LAMA3: variants seen among roughly 807,000 people sequenced by gnomAD.
LAMA3 encodes laminin subunit alpha-3.
A neutral mutation model predicts 402.0 loss-of-function variants in LAMA3; 281 were observed. The ratio of observed to expected loss-of-function variants is 0.70; its 90% CI spans 0.63 to 0.77. The LOEUF is 0.77. LAMA3 is among the 30% of genes least tolerant of loss of function. The pLI is 0.00. For synonymous variants in LAMA3, 1,431 were observed against 1,558.4 expected (o/e 0.92, Z 1.93); for missense variants, 3,840 against 4,215.5 (o/e 0.91, Z 2.47).
intron 19 of LAMA3, among the ~76,000 whole-genome samples, chr18:23,821,959 C>G (rs1460759922): frequency 6.6e-6 from 1 of 152,208 alleles, no homozygotes; most frequent in Non-Finnish European, 1.5e-5. Flanking sequence ...CCATCTAATA[C>G]TCCACTCTGT....
In LAMA3 at chr18:23,871,678, T is replaced by G. The variant is rs985322945; in HGVS notation, c.4998+17T>G. 6.4e-7 allele frequency: 1 copy of G among 1,572,836 alleles called. No homozygotes were observed. Among genetic ancestry groups the G allele is most frequent in the Admixed American group, 1.9e-5 (1 of 53,424 alleles). ...TCTTGTCAGGTAGGAAGTTTTCCCA[T>G]CCGCAACATTTCCCTAGGGAGCTCC... On this transcript the variant is annotated intron_variant, in intron 38 of 74. Coordinates refer to ENST00000313654, the MANE Select transcript of LAMA3 (RefSeq NM_198129.4).
intron 2 of LAMA3, among the ~76,000 whole-genome samples, chr18:23,722,183 T>G (rs924079833): frequency 6.6e-6 from 1 of 152,190 alleles, no homozygotes; most frequent in Non-Finnish European, 1.5e-5. Context: ...TGGGCCTTAT[T>G]TTGGTGCTAT....
At chr18:23,768,529 T>C (rs2062127995) in intron 8 of LAMA3, among the ~76,000 whole-genome samples, 1 of 152,194 alleles carries the variant, frequency 6.6e-6, no homozygotes, top group Non-Finnish European at 1.5e-5. Flanking sequence ...GAACACTTAC[T>C]TATACATTGC....
At chr18:23,922,206 C>T (rs947401095) in intron 62 of LAMA3, among the ~76,000 whole-genome samples, 1 of 152,182 alleles carries the variant, frequency 6.6e-6, no homozygotes, top group African/African-American at 2.4e-5. Flanking sequence ...TTTGTATCCT[C>T]CCGGAAGGCT....
chr18:23,946,463 C>A, intron 70 of LAMA3, 179 bp downstream of exon 70: 1 of 735,930 alleles, frequency 1.4e-6, no homozygotes, highest in Non-Finnish European at 2.3e-6. Context: ...TAACCCAAAG[C>A]CTTCATTTCT....
chr18:23,698,202 C>CTT lies in LAMA3; in HGVS notation c.294+8246_294+8247dup, dbSNP rs755879182. ...GAACCAGCCTGTTTCTCTTCTTCTT[C>CTT]TTTTTTTTTTTTTTTTTTTTTTGAG... On this transcript the variant is annotated intron_variant, in intron 1 of 74. Transcript: ENST00000313654. Among the ~76,000 whole-genome samples, 182 of 108,852 alleles carry CTT rather than the reference C, an allele frequency of 1.7e-3. 3 individuals carry two copies. The highest frequency in any genetic ancestry group is 9.8e-3 in the South Asian group (31 of 3,160). 71.4% of individuals were successfully genotyped at this position (108,852 alleles called of 152,430 possible).
At chr18:23,924,957 T>G (rs1395497287) in intron 62 of LAMA3, among the ~76,000 whole-genome samples, 1 of 152,208 alleles carries the variant, frequency 6.6e-6, no homozygotes, top group Admixed American at 6.5e-5. Flanking sequence ...TAAGGAATAG[T>G]CAGCTGTTCT....
chr18:23,904,058 C>T lies in LAMA3; in HGVS notation c.6444C>T (p.Ser2148=). The T allele has an allele frequency of 6.2e-6, 10 of 1,613,936 alleles. No individual in the cohort carries two copies. The highest frequency in any genetic ancestry group is 7.6e-6 in the Non-Finnish European group (9 of 1,180,048). The change falls in exon 50 of 75, where the codon TCC becomes TCT. Residue 2148 remains serine, a synonymous_variant. Transcript: ENST00000313654. The stretch of plus-strand genomic sequence containing the variant: ...AGGAGGCAGAAAAGCACGCGCGGTC[C>T]TTACAAGAGCTGGCAAAGCAGCTGG... The part of the protein sequence containing the change: ...LVEEAEKHAR[S]LQELAKQLEE...
chr18:23,906,999 C>T (rs546416818), intron 52 of LAMA3, among the ~76,000 whole-genome samples: 1 of 152,260 alleles, frequency 6.6e-6, no homozygotes, highest in South Asian at 2.1e-4. Flanking sequence ...TAAAATGTGT[C>T]ATTTTGGAAA....
rs568949566 is a variant in LAMA3, at chr18:23,949,996, G to A, written c.9512-33G>A. On this transcript the variant is annotated intron_variant, in intron 71 of 74. Coordinates refer to ENST00000313654, the MANE Select transcript of LAMA3 (RefSeq NM_198129.4). ...GTATCCTGTTTTCTTTCATGGTGAT[G>A]CTTTAACTTTTGCTTTGTTTCTCTT... 8.1e-6 allele frequency: 13 copies of A among 1,614,098 alleles called. No individual in the cohort carries two copies. In the East Asian group the frequency reaches 2.9e-4, roughly 36 times the overall value.
chr18:23,819,205 GA>G (rs1401712261), intron 18 of LAMA3, among the ~76,000 whole-genome samples: 2 of 149,204 alleles, frequency 1.3e-5, no homozygotes, highest in African/African-American at 5.0e-5. Flanking sequence ...ACTTTAAGTA[GA>G]TTGTTAAATG....
intron 2 of LAMA3, among the ~76,000 whole-genome samples, chr18:23,721,940 C>G (rs563207145): frequency 6.6e-6 from 1 of 152,330 alleles, no homozygotes; most frequent in East Asian, 1.9e-4. Flanking sequence ...TTACTACCAG[C>G]GCAAAACAAA....
intron 4 of LAMA3, among the ~76,000 whole-genome samples, chr18:23,750,180 G>T (rs898314481): frequency 5.9e-5 from 9 of 152,184 alleles, no homozygotes; most frequent in African/African-American, 2.2e-4. Flanking sequence ...CTATTGTTAA[G>T]GGAGATGGGC....
intron 54 of LAMA3, among the ~76,000 whole-genome samples, chr18:23,908,718 G>A (rs1159316678): frequency 6.6e-6 from 1 of 151,946 alleles, no homozygotes; most frequent in Non-Finnish European, 1.5e-5. Context: ...CTGGGTGTGT[G>A]AACCCACAGA....
intron 2 of LAMA3, among the ~76,000 whole-genome samples, chr18:23,727,860 G>A (rs1401789579): frequency 1.3e-5 from 2 of 152,140 alleles, no homozygotes; most frequent in East Asian, 3.9e-4. Flanking sequence ...CACCCCAGTA[G>A]CTAGGAGCAC....
At chr18:23,943,419 G>C (rs1016104865) in intron 68 of LAMA3, among the ~76,000 whole-genome samples, 26 of 152,136 alleles carry the variant, frequency 1.7e-4, no homozygotes, top group Admixed American at 6.5e-4. Context: ...ACTTAAAAAA[G>C]GTTAAGATGG....
intron 1 of LAMA3, among the ~76,000 whole-genome samples, chr18:23,711,741 T>A (rs1345560182): frequency 1.3e-5 from 2 of 152,198 alleles, no homozygotes; most frequent in South Asian, 2.1e-4. Context: ...AATCTTAGTA[T>A]GAAAATATAA....
At position 23,871,492 on chromosome 18, in the gene LAMA3, T is replaced by C; in HGVS notation, c.4829T>C (p.Leu1610Pro). ...PVSREELMTV[L>P]SRLADVRIQG... Reference sequence around the variant, plus strand: ...TCTAGGGAGGAGCTGATGACAGTGCTGTCTAGACTGGCAGATGTGCGCATC... The same window carrying C: ...TCTAGGGAGGAGCTGATGACAGTGCCGTCTAGACTGGCAGATGTGCGCATC... Residue 1610 changes from leucine to proline, a missense_variant, in exon 38 of 75, where the codon CTG becomes CCG. Transcript: ENST00000313654. 6.2e-7 allele frequency: 1 copy of C among 1,614,208 alleles called. No homozygotes were observed. Among genetic ancestry groups the C allele is most frequent in the Non-Finnish European group, 8.5e-7 (1 of 1,180,028 alleles).
chr18:23,934,286 G>A (rs781615668), intron 67 of LAMA3, among the ~76,000 whole-genome samples: 11 of 152,128 alleles, frequency 7.2e-5, no homozygotes, highest in Non-Finnish European at 1.6e-4. Flanking sequence ...CCTGCCCATA[G>A]ACCTCCCCTC....
Sources: gnomAD v4.1 joint callset for allele counts (sites outside exome capture counted in the v4.1 genomes callset) on GRCh38, gnomAD v4.1.1 for gene constraint, MANE v1.5 for transcripts, NCBI Gene and HGNC (gene_info 2026-07-23, HGNC 2026-07-21) for gene names.